SEMA5A: variants seen among roughly 807,000 people sequenced by gnomAD.
SEMA5A encodes the protein semaphorin 5A, also known as semaphorin-5A.
In SEMA5A, 55 loss-of-function variants were observed where a neutral mutation model predicts 135.5. That is an observed-to-expected ratio of 0.41 (90% CI 0.33 to 0.51). The LOEUF is 0.51. Ranked by LOEUF, SEMA5A falls within the 20% of genes least tolerant of loss-of-function variation. SEMA5A has a pLI of 0.37. For synonymous variants in SEMA5A, 580 were observed against 546.5 expected, an observed-to-expected ratio of 1.06 and a Z score of -0.85; for missense variants, 1,290 against 1,419.9, an observed-to-expected ratio of 0.91 and a Z score of 1.47.
intron 1 of SEMA5A, among the ~76,000 whole-genome samples, chr5:9,486,606 G>A (rs1353291544): frequency 6.6e-6 from 1 of 152,018 alleles, no homozygotes; most frequent in African/African-American, 2.4e-5. Context: ...AAGTTCTAGA[G>A]GGGAAGAACA....
At chr5:9,389,479 C>T (rs1426267818) in intron 2 of SEMA5A, among the ~76,000 whole-genome samples, 1 of 152,156 alleles carries the variant, frequency 6.6e-6, no homozygotes, top group Non-Finnish European at 1.5e-5. Context: ...GTCTCCCTTG[C>T]GTCTGCTTCC....
chr5:9,121,771 A>G (rs1393436936), intron 14 of SEMA5A, among the ~76,000 whole-genome samples: 1 of 152,174 alleles, frequency 6.6e-6, no homozygotes, highest in Non-Finnish European at 1.5e-5. Context: ...AAATGTGAGC[A>G]GAGGGCAAAG....
At position 9,066,416 on chromosome 5, in the gene SEMA5A, C is replaced by T; in HGVS notation, c.2299+5G>A. The T allele has an allele frequency of 6.2e-7, 1 of 1,613,826 alleles. No homozygotes were observed. Among genetic ancestry groups the T allele is most frequent in the South Asian group, 1.1e-5 (1 of 91,082 alleles). On this transcript the variant is annotated splice_donor_5th_base_variant and intron_variant, in intron 17 of 22. Transcript: ENST00000382496. The stretch of plus-strand genomic sequence containing the variant: ...TGGGTCAGTCCCCACGGAATCACTA[C>T]TCACCATCTGTGGAGCAGCCACTGG...
At chr5:9,505,617 G>A (rs1735836143) in intron 1 of SEMA5A, among the ~76,000 whole-genome samples, 1 of 152,202 alleles carries the variant, frequency 6.6e-6, no homozygotes, top group Admixed American at 6.5e-5. Context: ...AGAAAGGAGA[G>A]CAGCCAGAAT....
At chr5:9,365,812 A>G (rs1366893910) in intron 3 of SEMA5A, among the ~76,000 whole-genome samples, 1 of 152,012 alleles carries the variant, frequency 6.6e-6, no homozygotes, top group Non-Finnish European at 1.5e-5. Flanking sequence ...GGTTGCCCCC[A>G]CCCTCCCACT....
chr5:9,178,312 T>C (rs1331926997), intron 11 of SEMA5A, among the ~76,000 whole-genome samples: 1 of 149,544 alleles, frequency 6.7e-6, no homozygotes, highest in Non-Finnish European at 1.5e-5. Context: ...ATAAGCTCTC[T>C]TTCTTTTTTT....
chr5:9,226,414 T>A (rs1747313165), intron 7 of SEMA5A, among the ~76,000 whole-genome samples: 1 of 148,664 alleles, frequency 6.7e-6, no homozygotes, highest in African/African-American at 2.4e-5. Context: ...GGGTGCAATT[T>A]CTTAGTTTGC....
chr5:9,112,028 C>T (rs1291104080), intron 15 of SEMA5A, among the ~76,000 whole-genome samples: 5 of 152,234 alleles, frequency 3.3e-5, no homozygotes, highest in African/African-American at 1.2e-4. Context: ...CAACACACTG[C>T]AGACTTTTAG....
intron 5 of SEMA5A, among the ~76,000 whole-genome samples, chr5:9,276,254 G>C (rs1269552929): frequency 2.6e-5 from 4 of 152,120 alleles, no homozygotes; most frequent in African/African-American, 7.2e-5. Flanking sequence ...ACTTACAATG[G>C]ATGTGAAGGG....
In SEMA5A at chr5:9,249,860, G is replaced by A. The variant is rs570058657; in HGVS notation, c.271-11970C>T. On this transcript the variant is annotated intron_variant, in intron 5 of 22. Coordinates refer to ENST00000382496, the MANE Select transcript of SEMA5A (RefSeq NM_003966.3). The stretch of plus-strand genomic sequence containing the variant: ...AGCAAATGAATAAGCTGGTGCAAAG[G>A]CCTGAAATGGGAAGAAAGGACATCT... Among the ~76,000 whole-genome samples, 5 of 152,258 alleles carry A rather than the reference G, an allele frequency of 3.3e-5. No individual in the cohort carries two copies. In the East Asian group the frequency reaches 9.7e-4, roughly 29 times the overall value.
chr5:9,493,903 T>C (rs1305281596), intron 1 of SEMA5A, among the ~76,000 whole-genome samples: 2 of 152,224 alleles, frequency 1.3e-5, no homozygotes, highest in Non-Finnish European at 2.9e-5. Flanking sequence ...ATTTGTTTCT[T>C]AATATGCTCA....
intron 5 of SEMA5A, among the ~76,000 whole-genome samples, chr5:9,298,462 AG>A (rs1751447755): frequency 6.6e-6 from 1 of 152,208 alleles, no homozygotes; most frequent in Admixed American, 6.5e-5. Flanking sequence ...TAAGCCACCT[AG>A]CTTTTGTTTC....
chr5:9,257,135 G>A (rs765035025), intron 5 of SEMA5A, among the ~76,000 whole-genome samples: 2 of 151,562 alleles, frequency 1.3e-5, no homozygotes, highest in Non-Finnish European at 2.9e-5. Flanking sequence ...GGTACATTGA[G>A]TGAGTGTGGC....
intron 5 of SEMA5A, among the ~76,000 whole-genome samples, chr5:9,305,348 G>A (rs1446464000): frequency 1.3e-5 from 2 of 151,920 alleles, no homozygotes. Flanking sequence ...CTTGTTTCAT[G>A]GTAGTAATAT....
intron 11 of SEMA5A, among the ~76,000 whole-genome samples, chr5:9,162,585 T>TACATAC (rs1553995469): frequency 1.2e-4 from 14 of 112,064 alleles, no homozygotes; most frequent in African/African-American, 6.0e-4. Flanking sequence ...TATATATATA[T>TACATAC]ACACACACAC....
chr5:9,193,827 GT>G (rs1487672347), intron 10 of SEMA5A, among the ~76,000 whole-genome samples: 2 of 152,176 alleles, frequency 1.3e-5, no homozygotes, highest in Admixed American at 1.3e-4. Flanking sequence ...AACCCAGGAG[GT>G]AGAGGTTCCA....
chr5:9,536,015 G>A (rs959935462), intron 1 of SEMA5A, among the ~76,000 whole-genome samples: 11 of 152,150 alleles, frequency 7.2e-5, no homozygotes, highest in East Asian at 3.9e-4. Context: ...AAAAGGACAC[G>A]TGCTCCTGCT....
chr5:9,498,167 C>A (rs1735397718), intron 1 of SEMA5A, among the ~76,000 whole-genome samples: 1 of 152,204 alleles, frequency 6.6e-6, no homozygotes, highest in Non-Finnish European at 1.5e-5. Context: ...CTGGAGCTTA[C>A]CTTTGATATG....
chr5:9,206,330 A>T (rs1746013236), intron 8 of SEMA5A, among the ~76,000 whole-genome samples: 1 of 152,216 alleles, frequency 6.6e-6, no homozygotes, highest in South Asian at 2.1e-4. Flanking sequence ...TACAAAATAT[A>T]TCATGTTAAT....
Sources: gnomAD v4.1 joint callset for allele counts (sites outside exome capture counted in the v4.1 genomes callset) on GRCh38, gnomAD v4.1.1 for gene constraint, MANE v1.5 for transcripts, NCBI Gene and HGNC (gene_info 2026-07-23, HGNC 2026-07-21) for gene names.